Variants in FMN2 observed in about 807,000 individuals in gnomAD.
FMN2 encodes the protein formin-2.
Under a neutral mutation model 142.3 loss-of-function variants are expected in FMN2, and 51 were observed. That is an observed-to-expected ratio of 0.36 (90% CI 0.29 to 0.45). FMN2 has a LOEUF of 0.45. Among genes scored for constraint, FMN2 ranks in the 20% least tolerant of loss-of-function variants. The pLI, the probability that FMN2 is intolerant of heterozygous loss-of-function variation, is 1.00. For synonymous variants in FMN2, 882 were observed against 869.8 expected, an observed-to-expected ratio of 1.01 and a Z score of -0.25; for missense variants, 1,936 against 2,122.8, an observed-to-expected ratio of 0.91 and a Z score of 1.73.
At chr1:240,234,396 T>G (rs1667628123) in intron 6 of FMN2, among the ~76,000 whole-genome samples, 1 of 152,066 alleles carries the variant, frequency 6.6e-6, no homozygotes, top group South Asian at 2.1e-4. Context: ...GGTGTAGAGA[T>G]CTTCCAGAAA....
At chr1:240,143,046 C>A in intron 2 of FMN2, 1 of 1,500,166 alleles carries the variant, frequency 6.7e-7, no homozygotes. Flanking sequence ...CTGCCAGTCA[C>A]TGTGGTAGGG....
At position 240,091,983 on chromosome 1, in the gene FMN2, C is replaced by T. The variant is rs1359721995; in HGVS notation, c.-127C>T. Reference sequence around the variant, plus strand: ...CCAGCCGGGCGCGCGTCGGCCTCCCCTCCCAGCGGCTCCCCCCGCCGCCGC... The same window carrying T: ...CCAGCCGGGCGCGCGTCGGCCTCCCTTCCCAGCGGCTCCCCCCGCCGCCGC... On this transcript the variant is annotated 5_prime_UTR_variant, in exon 1 of 18. Transcript: ENST00000319653. 6.8e-5 allele frequency: 93 copies of T among 1,372,144 alleles called. No individual in the cohort carries two copies. Among genetic ancestry groups the T allele is most frequent in the Non-Finnish European group, 8.3e-5 (89 of 1,069,308 alleles). The allele number at this position is 1,372,144 out of a possible 1,614,324, so 85.0% of individuals were successfully genotyped here.
intron 15 of FMN2, among the ~76,000 whole-genome samples, chr1:240,432,863 T>C (rs548811632): frequency 2.6e-5 from 4 of 152,246 alleles, no homozygotes; most frequent in Admixed American, 6.5e-5. Context: ...TAATTTCAGT[T>C]TGAAATTTAC....
At chr1:240,349,494 CA>C (rs35618215) in intron 13 of FMN2, among the ~76,000 whole-genome samples, 5 of 149,300 alleles carry the variant, frequency 3.3e-5, no homozygotes, top group South Asian at 2.1e-4. Context: ...ATTCCCTACT[CA>C]AAAAAAAAAT....
chr1:240,265,913 G>GTTT (rs1352056925), intron 7 of FMN2, among the ~76,000 whole-genome samples: 6 of 102,314 alleles, frequency 5.9e-5, no homozygotes, highest in South Asian at 3.1e-4. Context: ...ACTTAAAGGG[G>GTTT]TTTGTTTTTT....
intron 8 of FMN2, among the ~76,000 whole-genome samples, chr1:240,296,422 C>G (rs1572166107): frequency 1.3e-5 from 1 of 74,824 alleles, no homozygotes; most frequent in Admixed American, 1.4e-4. Flanking sequence ...TATTTTGGGT[C>G]TAATATCTTT....
chr1:240,142,790 A>G, intron 2 of FMN2: 1 of 1,587,746 alleles, frequency 6.3e-7, no homozygotes, highest in Non-Finnish European at 8.6e-7. Flanking sequence ...CTGGGGTTGT[A>G]TGTGTCTGGA....
chr1:240,212,710 T>C (rs1012967922), intron 6 of FMN2, among the ~76,000 whole-genome samples: 10 of 152,202 alleles, frequency 6.6e-5, no homozygotes, highest in African/African-American at 2.2e-4. Context: ...TATTTGCATA[T>C]AGTACACTGA....
chr1:240,100,760 A>G (rs546856901), intron 1 of FMN2, among the ~76,000 whole-genome samples: 1 of 152,346 alleles, frequency 6.6e-6, no homozygotes, highest in South Asian at 2.1e-4. Flanking sequence ...CCAACCTACC[A>G]GGAACCCACT....
intron 2 of FMN2, among the ~76,000 whole-genome samples, chr1:240,175,882 C>T (rs188251199): frequency 5.3e-5 from 8 of 152,124 alleles, no homozygotes; most frequent in African/African-American, 1.9e-4. Flanking sequence ...AGTCCTTTGC[C>T]CATTTTAAAA....
rs142335257 is a variant in FMN2, at chr1:240,093,481, G to T, written c.1372G>T (p.Ala458Ser). ...CTCCCTGAGCCGAGGGTCCAGAACT[G>T]CCCTGGCCTCCGTAGCCGCCCCGGC... ...EPSLSRGSRT[A>S]LASVAAPAKK... Residue 458 changes from alanine (A) to serine (S), a missense_variant, in exon 1 of 18, where the codon GCC becomes TCC. Ala to Ser is a moderately conservative substitution (Grantham distance 99, BLOSUM62 1). This residue lies in a region of FMN2 where 751 missense variants were observed against 791.8 expected (regional missense o/e 0.95). Coordinates refer to ENST00000319653, the MANE Select transcript of FMN2 (RefSeq NM_020066.5). 6.2e-7 allele frequency: 1 copy of T among 1,605,170 alleles called. No individual in the cohort carries two copies.
rs1340157859 is a variant in FMN2 at position 240,145,928 on chromosome 1, CAG to C, written c.1782+22584_1782+22585del. 2.6e-5 allele frequency among the ~76,000 whole-genome samples: 4 copies of C among 152,202 alleles called. No individual in the cohort carries two copies. The East Asian group carries it at 5.8e-4, about 22-fold the overall frequency. On this transcript the variant is annotated intron_variant, in intron 2 of 17. Coordinates refer to ENST00000319653, the MANE Select transcript of FMN2 (RefSeq NM_020066.5). ...AACATTTGACACAATAGCCTGCAGACAGGGGTGCTCAGGAGACAGGTTTTGAG... is the reference window on the plus strand; with the variant it reads ...AACATTTGACACAATAGCCTGCAGACGGGTGCTCAGGAGACAGGTTTTGAG...
intron 8 of FMN2, among the ~76,000 whole-genome samples, chr1:240,307,616 G>A (rs899994301): frequency 6.6e-6 from 1 of 152,112 alleles, no homozygotes; most frequent in African/African-American, 2.4e-5. Flanking sequence ...GTCTATTTTT[G>A]TACCATGCTG....
intron 7 of FMN2, among the ~76,000 whole-genome samples, chr1:240,264,263 GC>G (rs1668721780): frequency 6.6e-6 from 1 of 152,108 alleles, no homozygotes; most frequent in Admixed American, 6.6e-5. Context: ...AGGGTCCAAA[GC>G]TGAGAAGCCT....
intron 2 of FMN2, among the ~76,000 whole-genome samples, chr1:240,136,486 G>GT (rs2103243685): frequency 6.6e-6 from 1 of 152,194 alleles, no homozygotes; most frequent in Non-Finnish European, 1.5e-5. Context: ...CTTCATGATT[G>GT]TTTTTTCCTC....
intron 16 of FMN2, 58 bp downstream of exon 16, chr1:240,438,268 A>C (rs968864783): frequency 1.6e-5 from 24 of 1,542,074 alleles, no homozygotes; most frequent in Non-Finnish European, 2.0e-5. Flanking sequence ...TAGGTGTGGC[A>C]CCACTGGGTT....
chr1:240,342,107 C>T (rs12407532), intron 13 of FMN2, among the ~76,000 whole-genome samples: 26,579 of 152,084 alleles, frequency 0.17, 2,888 homozygotes, highest in African/African-American at 0.3. Flanking sequence ...CTTCTACTTC[C>T]GCCCTGTTTA....
intron 7 of FMN2, among the ~76,000 whole-genome samples, chr1:240,263,855 A>C (rs716527): frequency 0.72 from 109,560 of 152,072 alleles, 40,748 homozygotes; most frequent in African/African-American, 0.9. Flanking sequence ...TCTTTTATAT[A>C]TGTCCTGTCT....
At chr1:240,426,900 G>A (rs544656948) in intron 15 of FMN2, among the ~76,000 whole-genome samples, 12 of 151,668 alleles carry the variant, frequency 7.9e-5, no homozygotes, top group East Asian at 5.9e-4. Flanking sequence ...CACCATGCCC[G>A]GCTAATTTTT....
Sources: gnomAD v4.1 joint callset for allele counts (sites outside exome capture counted in the v4.1 genomes callset) on GRCh38, gnomAD v4.1.1 for gene constraint, gnomAD v4.1.1 regional missense constraint, MANE v1.5 for transcripts, NCBI Gene and HGNC (gene_info 2026-07-23, HGNC 2026-07-21) for gene names.